RBMS3: variants seen among roughly 807,000 people sequenced by gnomAD.
The protein encoded by RBMS3 is RNA binding motif single stranded interacting protein 3.
RBMS3 carries 27 observed loss-of-function variants against 66.8 expected under a neutral mutation model. The observed-to-expected ratio is 0.40, with a 90% CI of 0.30 to 0.56. RBMS3 has a LOEUF of 0.56. RBMS3 is among the 20% of genes least tolerant of loss of function. RBMS3 has a pLI of 0.40. For missense variants in RBMS3, 513 were observed against 549.5 expected (o/e 0.93, Z 0.66); for synonymous variants, 188 against 183.0 (o/e 1.03, Z -0.22).
intron 4 of RBMS3, among the ~76,000 whole-genome samples, chr3:29,598,556 C>G (rs764476057): frequency 6.6e-6 from 1 of 151,994 alleles, no homozygotes; most frequent in Admixed American, 6.6e-5. Flanking sequence ...CCTTACTTAA[C>G]TTCTAGAAGA....
At chr3:29,314,105 A>C (rs1401104645) in intron 1 of RBMS3, among the ~76,000 whole-genome samples, 1 of 151,640 alleles carries the variant, frequency 6.6e-6, no homozygotes, top group Non-Finnish European at 1.5e-5. Context: ...TAATGATGAT[A>C]GGCAAGATTA....
chr3:29,869,520 A>G (rs1294593562), intron 7 of RBMS3, among the ~76,000 whole-genome samples: 1 of 152,150 alleles, frequency 6.6e-6, no homozygotes, highest in African/African-American at 2.4e-5. Context: ...TGGTCAAAAA[A>G]GAGGGAGAAA....
intron 12 of RBMS3, 114 bp from the exon 13 acceptor site, chr3:29,988,029 A>G: frequency 1.3e-6 from 1 of 794,974 alleles, no homozygotes; most frequent in Non-Finnish European, 2.0e-6. Flanking sequence ...GAGCTGGGAA[A>G]AAATACACAC....
At chr3:29,402,091 CCA>C (rs1260644788) in intron 1 of RBMS3, among the ~76,000 whole-genome samples, 2 of 151,922 alleles carry the variant, frequency 1.3e-5, no homozygotes, top group Non-Finnish European at 2.9e-5. Flanking sequence ...TTATTTTATG[CCA>C]CAGTGTTGAC....
At chr3:29,864,923 G>C (rs566416478) in intron 6 of RBMS3, among the ~76,000 whole-genome samples, 2 of 116,988 alleles carry the variant, frequency 1.7e-5, no homozygotes, top group African/African-American at 6.8e-5. Context: ...AGAGAGGAAG[G>C]AAGGAAGAGA....
intron 3 of RBMS3, among the ~76,000 whole-genome samples, chr3:29,564,461 G>A (rs115421829): frequency 0.036 from 5,392 of 149,880 alleles, 118 homozygotes; most frequent in African/African-American, 0.062. Context: ...GCTCCAGCCT[G>A]GGCGACAAGA....
chr3:29,856,455 T>C (rs891138869), intron 6 of RBMS3, among the ~76,000 whole-genome samples: 2 of 152,118 alleles, frequency 1.3e-5, no homozygotes, highest in Non-Finnish European at 2.9e-5. Flanking sequence ...ATGCACACAT[T>C]TAGATCATGA....
At chr3:29,483,266 G>A (rs532322295) in intron 2 of RBMS3, among the ~76,000 whole-genome samples, 3 of 143,376 alleles carry the variant, frequency 2.1e-5, no homozygotes, top group East Asian at 2.1e-4. Context: ...CCGAGATCGC[G>A]TCACTGCACT....
chr3:29,793,156 G>A (rs930597149), intron 6 of RBMS3, among the ~76,000 whole-genome samples: 1 of 151,944 alleles, frequency 6.6e-6, no homozygotes, highest in Admixed American at 6.6e-5. Flanking sequence ...GCTTGAACCC[G>A]GGAGGTGGAG....
At chr3:29,435,351 G>A (rs2041360831) in intron 2 of RBMS3, among the ~76,000 whole-genome samples, 1 of 152,142 alleles carries the variant, frequency 6.6e-6, no homozygotes, top group Non-Finnish European at 1.5e-5. Context: ...GCCAGTGCTT[G>A]GTAAATGTCC....
At chr3:29,534,665 G>A (rs1246828928) in intron 3 of RBMS3, among the ~76,000 whole-genome samples, 4 of 152,148 alleles carry the variant, frequency 2.6e-5, no homozygotes, top group African/African-American at 9.7e-5. Context: ...GGATCATGAA[G>A]ATATTTAGCA....
At chr3:29,595,588 T>G (rs1168691811) in intron 4 of RBMS3, among the ~76,000 whole-genome samples, 1 of 152,128 alleles carries the variant, frequency 6.6e-6, no homozygotes, top group African/African-American at 2.4e-5. Context: ...TTCTTAAAGT[T>G]GAAAGGAAAA....
At chr3:29,868,652 C>A (rs1402391990) in intron 6 of RBMS3, among the ~76,000 whole-genome samples, 1 of 152,086 alleles carries the variant, frequency 6.6e-6, no homozygotes, top group Admixed American at 6.6e-5. Flanking sequence ...TTGTTATATT[C>A]TTTTATGATC....
rs117852141 is a variant in RBMS3, at chr3:29,646,911, G to A, written c.399+59706G>A. On this transcript the variant is annotated intron_variant, in intron 4 of 14. Coordinates refer to ENST00000383767, the MANE Select transcript of RBMS3 (RefSeq NM_001003793.3). The stretch of plus-strand genomic sequence containing the variant: ...TCTTGCATATGTATCTTCCTCATTC[G>A]GAATGCGTGTTAGATAAGTGCAGGA... Among the ~76,000 whole-genome samples the A allele has an allele frequency of 3.5e-4, 53 of 152,180 alleles. 1 individual carries two copies. The East Asian group carries it at 9.1e-3, about 26-fold the overall frequency.
At chr3:29,938,612 C>A (rs180983280) in intron 11 of RBMS3, among the ~76,000 whole-genome samples, 8 of 151,964 alleles carry the variant, frequency 5.3e-5, no homozygotes, top group African/African-American at 1.9e-4. Flanking sequence ...CTTCGATATG[C>A]CTTCATAGAT....
At chr3:29,303,371 C>G (rs2033803535) in intron 1 of RBMS3, among the ~76,000 whole-genome samples, 1 of 151,970 alleles carries the variant, frequency 6.6e-6, no homozygotes, top group Non-Finnish European at 1.5e-5. Flanking sequence ...TTTGTATTAT[C>G]TTAGTCTGAA....
intron 3 of RBMS3, among the ~76,000 whole-genome samples, chr3:29,582,463 A>G (rs2047367207): frequency 6.6e-6 from 1 of 152,158 alleles, no homozygotes; most frequent in African/African-American, 2.4e-5. Flanking sequence ...TGTGGAGAAA[A>G]CAGTGACATT....
At chr3:29,843,258 A>G (rs1004403329) in intron 6 of RBMS3, among the ~76,000 whole-genome samples, 7 of 152,348 alleles carry the variant, frequency 4.6e-5, no homozygotes, top group Middle Eastern at 3.4e-3. Context: ...AAATGAAAAT[A>G]TGCTGCATAT....
chr3:29,697,954 G>A (rs1183141936), intron 4 of RBMS3, among the ~76,000 whole-genome samples: 2 of 152,142 alleles, frequency 1.3e-5, no homozygotes, highest in Non-Finnish European at 2.9e-5. Context: ...GCTTAGTAGT[G>A]CATTCATCTG....
Sources: allele counts gnomAD v4.1 joint callset (sites outside exome capture counted in the v4.1 genomes callset), GRCh38; gene constraint gnomAD v4.1.1; transcripts MANE v1.5; gene names NCBI Gene and HGNC (gene_info 2026-07-23, HGNC 2026-07-21).